FAM193A: variants seen among roughly 807,000 people sequenced by gnomAD.
The protein encoded by FAM193A is protein FAM193A.
FAM193A carries 22 observed loss-of-function variants against 126.5 expected under a neutral mutation model. The observed-to-expected ratio is 0.17, with a 90% CI of 0.12 to 0.25. FAM193A has a LOEUF of 0.25. Ranked by LOEUF, FAM193A falls within the 10% of genes least tolerant of loss-of-function variation. FAM193A has a pLI of 1.00. For missense variants in FAM193A, 1,675 were observed against 1,672.8 expected (o/e 1.00, Z -0.02); for synonymous variants, 761 against 646.8 (o/e 1.18, Z -2.68).
At chr4:2,614,336 T>A (rs1252940603) in intron 2 of FAM193A, among the ~76,000 whole-genome samples, 1 of 152,230 alleles carries the variant, frequency 6.6e-6, no homozygotes, top group African/African-American at 2.4e-5. Flanking sequence ...TATGAATAGA[T>A]ACTGAATTTT....
chr4:2,576,556 A>T (rs1739601112), intron 1 of FAM193A, among the ~76,000 whole-genome samples: 1 of 152,160 alleles, frequency 6.6e-6, no homozygotes, highest in East Asian at 1.9e-4. Context: ...TCTGGGTGAC[A>T]TAGTGATACT....
At chr4:2,687,068 C>G (rs1168772370) in intron 13 of FAM193A, among the ~76,000 whole-genome samples, 1 of 152,058 alleles carries the variant, frequency 6.6e-6, no homozygotes, top group Non-Finnish European at 1.5e-5. Context: ...TCCTGAGTGT[C>G]TGCTCTACCC....
At chr4:2,597,126 C>T (rs1488511071) in intron 2 of FAM193A, among the ~76,000 whole-genome samples, 1 of 152,118 alleles carries the variant, frequency 6.6e-6, no homozygotes, top group African/African-American at 2.4e-5. Flanking sequence ...GAGGCAAGCC[C>T]CATCTCCAGG....
chr4:2,615,205 G>A (rs145010974), intron 2 of FAM193A: 2 of 152,518 alleles, frequency 1.3e-5, no homozygotes, highest in Non-Finnish European at 2.9e-5. Flanking sequence ...GTTATCAACA[G>A]CACTGCATTT....
chr4:2,555,520 CATAA>C (rs763776091), intron 1 of FAM193A, among the ~76,000 whole-genome samples: 2 of 152,180 alleles, frequency 1.3e-5, no homozygotes, highest in Non-Finnish European at 2.9e-5. Flanking sequence ...GGTTTACAAC[CATAA>C]TCCTAACACT....
chr4:2,672,111 TTC>T lies in FAM193A; in HGVS notation c.2080-9_2080-8del, dbSNP rs1445761471. On this transcript the variant is annotated splice_region_variant and splice_polypyrimidine_tract_variant and intron_variant, in intron 12 of 20. Coordinates refer to ENST00000637812, the MANE Select transcript of FAM193A (RefSeq NM_001366318.2). ...CACTAAATAGGTATGTTTTTTTTCTTTCCTCTTAGGCTGAACAAGCTCCAAAC... is the reference window on the plus strand; with the variant it reads ...CACTAAATAGGTATGTTTTTTTTCTTCTCTTAGGCTGAACAAGCTCCAAAC... 2 of 1,612,708 alleles carry T rather than the reference TTC, an allele frequency of 1.2e-6. No individual in the cohort carries two copies. Among genetic ancestry groups the T allele is most frequent in the Non-Finnish European group, 1.7e-6 (2 of 1,178,968 alleles).
intron 1 of FAM193A, among the ~76,000 whole-genome samples, chr4:2,543,987 G>A (rs184006512): frequency 6.6e-6 from 1 of 151,864 alleles, no homozygotes; most frequent in East Asian, 1.9e-4. Context: ...GATCTTTGGG[G>A]TACATGAGGG....
chr4:2,596,592 G>A (rs528953241), intron 2 of FAM193A, among the ~76,000 whole-genome samples: 2 of 152,332 alleles, frequency 1.3e-5, no homozygotes, highest in East Asian at 3.9e-4. Context: ...TTGGCTTTGA[G>A]CTTAGTATTT....
At position 2,659,891 on chromosome 4, in the gene FAM193A, A is replaced by G. The variant is rs375688554; in HGVS notation, c.1582A>G (p.Ile528Val). The change falls in exon 10 of 21, where the codon ATT becomes GTT. Residue 528 changes from isoleucine to valine, a missense_variant. Around this residue, in one of 4 missense-constraint regions of FAM193A, gnomAD observed 1,186 missense variants for 1,109.2 expected, o/e 1.07. Transcript: ENST00000637812. ...MDPPVTDDIH[I>V]HQLPLQVDPA... ...CCCCCCCGTCACTGATGACATCCAC[A>G]TTCACCAGCTCCCACTTCAAGTGGA... 26 of 1,614,030 alleles carry G rather than the reference A, an allele frequency of 1.6e-5. No homozygotes were observed. Among genetic ancestry groups the G allele is most frequent in the African/African-American group, 6.7e-5 (5 of 74,914 alleles).
intron 2 of FAM193A, among the ~76,000 whole-genome samples, chr4:2,616,828 A>G (rs1455544083): frequency 6.6e-6 from 1 of 150,560 alleles, no homozygotes; most frequent in Middle Eastern, 3.2e-3. Context: ...GGCCTCCCAA[A>G]GTGCTGGGGT....
chr4:2,630,891 T>TG (rs761142467), intron 4 of FAM193A, 44 bp from the exon 5 acceptor site: 1 of 1,138,284 alleles, frequency 8.8e-7, no homozygotes, highest in African/African-American at 1.5e-5. Context: ...AGAGCACCCA[T>TG]GGGCCCTGGT....
At chr4:2,730,382 C>T (rs551127522) in intron 20 of FAM193A, among the ~76,000 whole-genome samples, 1 of 152,184 alleles carries the variant, frequency 6.6e-6, no homozygotes, top group Non-Finnish European at 1.5e-5. Flanking sequence ...TTTTCGAGGC[C>T]TCTGCTTTCT....
chr4:2,541,136 G>T (rs1737209173), intron 1 of FAM193A, among the ~76,000 whole-genome samples: 1 of 151,968 alleles, frequency 6.6e-6, no homozygotes, highest in African/African-American at 2.4e-5. Flanking sequence ...TGGGTGTGGT[G>T]GCGCATGCCT....
intron 5 of FAM193A, among the ~76,000 whole-genome samples, chr4:2,633,551 C>A (rs1456866989): frequency 6.6e-6 from 1 of 151,606 alleles, no homozygotes; most frequent in East Asian, 1.9e-4. Context: ...AGACTAGATA[C>A]CCTTAACTAT....
At chr4:2,599,868 T>G in intron 2 of FAM193A, among the ~76,000 whole-genome samples, 1 of 151,442 alleles carries the variant, frequency 6.6e-6, no homozygotes, top group Non-Finnish European at 1.5e-5. Context: ...CCCGAGTAGC[T>G]GGGACTATAG....
chr4:2,577,381 G>A (rs1031550224), intron 1 of FAM193A, among the ~76,000 whole-genome samples: 1 of 141,928 alleles, frequency 7.0e-6, no homozygotes, highest in Non-Finnish European at 1.5e-5. Context: ...GCTAAATCAA[G>A]TTTGACAATC....
At chr4:2,567,177 T>A (rs1185144122) in intron 1 of FAM193A, among the ~76,000 whole-genome samples, 1 of 151,596 alleles carries the variant, frequency 6.6e-6, no homozygotes, top group African/African-American at 2.4e-5. Flanking sequence ...CTCGATCTCC[T>A]GACCTCGTGA....
chr4:2,588,697 T>C (rs968649303), intron 1 of FAM193A, among the ~76,000 whole-genome samples: 4 of 150,828 alleles, frequency 2.7e-5, no homozygotes, highest in African/African-American at 1.0e-4. Flanking sequence ...GCCTCTGTTC[T>C]ATTTAAGTAG....
chr4:2,611,409 C>A (rs773029325), intron 2 of FAM193A, among the ~76,000 whole-genome samples: 22 of 152,054 alleles, frequency 1.4e-4, no homozygotes, highest in Non-Finnish European at 2.8e-4. Flanking sequence ...GCTGGGACTA[C>A]AGGCGCCAGC....
Sources: gnomAD v4.1 joint callset for allele counts (sites outside exome capture counted in the v4.1 genomes callset) on GRCh38, gnomAD v4.1.1 for gene constraint, gnomAD v4.1.1 regional missense constraint, MANE v1.5 for transcripts, NCBI Gene and HGNC (gene_info 2026-07-23, HGNC 2026-07-21) for gene names.